Variants in ZDBF2 observed in about 807,000 individuals in gnomAD.
ZDBF2 encodes the protein DBF4-type zinc finger-containing protein 2.
In ZDBF2, 6 loss-of-function variants were observed where a neutral mutation model predicts 9.4. That is an observed-to-expected ratio of 0.64 (90% CI 0.35 to 1.27). ZDBF2 has a LOEUF of 1.27. Ranked by LOEUF, ZDBF2 falls within the 50% of genes most tolerant of loss-of-function variation. The pLI, the probability that ZDBF2 is intolerant of heterozygous loss-of-function variation, is 0.03. For missense variants in ZDBF2, 2,697 were observed against 2,766.8 expected, an observed-to-expected ratio of 0.97 and a Z score of 0.57; for synonymous variants, 905 against 946.3, an observed-to-expected ratio of 0.96 and a Z score of 0.80.
In ZDBF2 at chr2:206,308,292, G is replaced by C; in HGVS notation, c.3764G>C (p.Gly1255Ala). ...TCTGATGTTCTTCAGCCAGTGGCTG[G>C]CCAACCTGAAGAAGTAGTTAAGGAG... ...YDSDVLQPVA[G>A]QPEEVVKEVS... Residue 1255 changes from glycine to alanine, a missense_variant, in exon 5 of 5, where the codon GGC becomes GCC. Transcript: ENST00000374423. The C allele has an allele frequency of 6.2e-7, 1 of 1,613,860 alleles. No individual in the cohort carries two copies.
At position 206,286,115 on chromosome 2, in the gene ZDBF2, C is replaced by T. The variant is rs138377955; in HGVS notation, c.60+4206C>T. ...TTGTATTTGGAGACCTCTTTGTGGC[C>T]TAATATGTGGCCTATCCTGGAAAAT... On this transcript the variant is annotated intron_variant, in intron 3 of 4. Coordinates refer to ENST00000374423, the MANE Select transcript of ZDBF2 (RefSeq NM_020923.3). Among the ~76,000 whole-genome samples the T allele has an allele frequency of 2.0e-4, 31 of 152,198 alleles. 1 individual carries two copies. In the East Asian group the frequency reaches 5.8e-3, roughly 28 times the overall value.
chr2:206,300,860 G>A (rs1406229301), intron 4 of ZDBF2, among the ~76,000 whole-genome samples: 1 of 151,988 alleles, frequency 6.6e-6, no homozygotes, highest in Non-Finnish European at 1.5e-5. Context: ...TTTATTCTAT[G>A]GGTTTTAATT....
rs1268654311 is a variant in ZDBF2 at position 206,281,805 on chromosome 2, A to T, written c.-45A>T. On this transcript the variant is annotated 5_prime_UTR_variant, in exon 3 of 5. It removes the in-frame stop codon of an upstream open reading frame in the 5' UTR. Coordinates refer to ENST00000374423, the MANE Select transcript of ZDBF2 (RefSeq NM_020923.3). ...ATTTTTCTTTTTGTTTTTCAGCTTG[A>T]GTATTCAAAGACAGTAGCCATCTGA... 1 of 1,571,818 alleles carries T rather than the reference A, an allele frequency of 6.4e-7. No individual in the cohort carries two copies. Among genetic ancestry groups the T allele is most frequent in the Non-Finnish European group, 8.7e-7 (1 of 1,148,700 alleles).
Position 206,306,542 on chromosome 2 carries a change from G to A in ZDBF2, c.2014G>A (p.Ala672Thr). ...CCATGGTCCTGAAATGGGTTTTCAG[G>A]CTGATGCTCAATTAGCTGACCAGTC... ...ESHGPEMGFQ[A>T]DAQLADQSQV... is the part of the protein sequence containing the mutation. Residue 672 changes from alanine to threonine, a missense_variant, in exon 5 of 5, where the codon GCT becomes ACT. Physicochemically the swap from Ala to Thr is moderately conservative, Grantham distance 58. Coordinates refer to ENST00000374423, the MANE Select transcript of ZDBF2 (RefSeq NM_020923.3). 1 of 1,613,704 alleles carries A rather than the reference G, an allele frequency of 6.2e-7. No individual in the cohort carries two copies. Among genetic ancestry groups the A allele is most frequent in the Admixed American group, 1.7e-5 (1 of 59,948 alleles).
intron 3 of ZDBF2, among the ~76,000 whole-genome samples, chr2:206,294,025 G>A (rs1049741595): frequency 4.6e-5 from 7 of 152,024 alleles, no homozygotes; most frequent in African/African-American, 1.7e-4. Context: ...GAATAAATAA[G>A]ATATGGCATA....
At position 206,310,627 on chromosome 2, in the gene ZDBF2, T is replaced by C. The variant is rs373884637; in HGVS notation, c.6099T>C (p.His2033=). Reference sequence around the variant, plus strand: ...TTCCTTTCCCTAAAATGAGGCACCATAGTTGGGATAATGATATTCGGTTTA... The same window carrying C: ...TTCCTTTCCCTAAAATGAGGCACCACAGTTGGGATAATGATATTCGGTTTA... ...EGLPFPKMRH[H]SWDNDIRFIC... Residue 2033 remains histidine (H), a synonymous_variant, in exon 5 of 5, where the codon CAT becomes CAC. Transcript: ENST00000374423. 94 of 1,609,298 alleles carry C rather than the reference T, an allele frequency of 5.8e-5. No individual in the cohort carries two copies. The highest frequency in any genetic ancestry group is 5.9e-5 in the Non-Finnish European group (69 of 1,177,438).
At chr2:206,281,950 T>C (rs1395419830) in intron 3 of ZDBF2, 41 bp downstream of exon 3, 8 of 1,516,746 alleles carry the variant, frequency 5.3e-6, no homozygotes, top group Non-Finnish European at 6.3e-6. Flanking sequence ...TCAAAGGACC[T>C]AGTTGTGACT....
rs1416922544 is a variant in ZDBF2, at chr2:206,313,911, G to A, written c.*2318G>A. 6.6e-6 allele frequency: 1 copy of A among 152,086 alleles called. No homozygotes were observed. The highest frequency in any genetic ancestry group is 2.4e-5 in the African/African-American group (1 of 41,426). 9.4% of individuals were successfully genotyped at this position (152,086 alleles called of 1,614,324 possible). A position where few individuals can be genotyped will look rare whatever the true frequency, so the allele number is the denominator to read the frequency against. On this transcript the variant is annotated 3_prime_UTR_variant, in exon 5 of 5. Transcript: ENST00000374423. ...TTCTTGTAATCATTATTTTAGACAA[G>A]CTTGAAAACTTGAAATTGTTGAAAC... is the stretch of plus-strand genomic sequence containing the variant.
chr2:206,308,745 G>T lies in ZDBF2; in HGVS notation c.4217G>T (p.Gly1406Val), dbSNP rs1284811629. Residue 1406 changes from glycine (G) to valine (V), a missense_variant, in exon 5 of 5, where the codon GGT becomes GTT. By Grantham distance (109) the Gly-to-Val change is moderately radical. Coordinates refer to ENST00000374423, the MANE Select transcript of ZDBF2 (RefSeq NM_020923.3). ...CTGGAAGATAAGAGCTATAAATTAG[G>T]TGATTTTGATGTAAGTTATGCTTCT... is the stretch of plus-strand genomic sequence containing the variant. ...IYLEDKSYKLGDFDVSYASHI... is the reference protein window; with the variant it reads ...IYLEDKSYKLVDFDVSYASHI... 1.2e-6 allele frequency: 2 copies of T among 1,613,440 alleles called. No homozygotes were observed. Among genetic ancestry groups the T allele is most frequent in the East Asian group, 4.5e-5 (2 of 44,866 alleles).
rs758557706 is a variant in ZDBF2 at position 206,310,496 on chromosome 2, G to A, written c.5968G>A (p.Val1990Ile). 3 of 1,613,518 alleles carry A rather than the reference G, an allele frequency of 1.9e-6. No homozygotes were observed. Among genetic ancestry groups the A allele is most frequent in the South Asian group, 2.2e-5 (2 of 90,970 alleles). The change falls in exon 5 of 5, where the codon GTT becomes ATT. Residue 1990 changes from valine (V) to isoleucine (I), a missense_variant. By Grantham distance (29) the Val-to-Ile change is conservative. Transcript: ENST00000374423. ...KTKKKVKIGT[V>I]EFPASCTKVL... ...CAAAAAGAAAGTCAAAATTGGGACA[G>A]TTGAATTTCCTGCATCATGTACTAA...
chr2:206,308,160 C>A lies in ZDBF2; in HGVS notation c.3632C>A (p.Ala1211Asp). The A allele has an allele frequency of 6.2e-7, 1 of 1,613,772 alleles. No homozygotes were observed. The highest frequency in any genetic ancestry group is 8.5e-7 in the Non-Finnish European group (1 of 1,179,800). Reference protein sequence around the residue: ...FDSDDPLQSVADRLRETVKEI... With the variant: ...FDSDDPLQSVDDRLRETVKEI... ...TCTGATGACCCTCTTCAGTCAGTGG[C>A]TGACCGGCTGAGAGAAACCGTTAAA... The change falls in exon 5 of 5, where the codon GCT becomes GAT. Residue 1211 changes from alanine (A) to aspartate (D), a missense_variant. Physicochemically the swap from Ala to Asp is moderately radical, Grantham distance 126 (BLOSUM62 -2). This residue lies in a region of ZDBF2 where 1,783 missense variants were observed against 1,776.5 expected (regional missense o/e 1.00). Transcript: ENST00000374423.
At chr2:206,294,282 T>C (rs922712112) in intron 3 of ZDBF2, among the ~76,000 whole-genome samples, 2 of 152,162 alleles carry the variant, frequency 1.3e-5, no homozygotes, top group African/African-American at 4.8e-5. Flanking sequence ...CAACTTTTTA[T>C]GGATAGATGG....
rs750337695 is a variant in ZDBF2 at position 206,307,351 on chromosome 2, C to G, written c.2823C>G (p.His941Gln). The G allele has an allele frequency of 6.8e-6, 11 of 1,613,016 alleles. No individual in the cohort carries two copies. The highest frequency in any genetic ancestry group is 9.3e-6 in the Non-Finnish European group (11 of 1,179,672). The change falls in exon 5 of 5, where the codon CAC becomes CAG. Residue 941 changes from histidine to glutamine, a missense_variant. Around this residue, in one of 3 missense-constraint regions of ZDBF2, gnomAD observed 1,783 missense variants for 1,776.5 expected, o/e 1.00. Coordinates refer to ENST00000374423, the MANE Select transcript of ZDBF2 (RefSeq NM_020923.3). ...SEDPIKEISL[H>Q]TKEHMYLENK... ...ATCCCATTAAAGAAATAAGCCTTCA[C>G]ACAAAAGAGCACATGTACTTAGAAA...
chr2:206,302,151 G>A (rs1692540230), intron 4 of ZDBF2, among the ~76,000 whole-genome samples: 1 of 151,894 alleles, frequency 6.6e-6, no homozygotes, highest in Non-Finnish European at 1.5e-5. Flanking sequence ...TGGGACTATA[G>A]ACATGTACCA....
Position 206,308,550 on chromosome 2 carries a change from T to TA in ZDBF2, c.4026dup (p.Gln1343ThrfsTer15). 6.2e-7 allele frequency: 1 copy of TA among 1,613,660 alleles called. No homozygotes were observed. The highest frequency in any genetic ancestry group is 8.5e-7 in the Non-Finnish European group (1 of 1,179,810). ...TCAAATATCCCTCTTCAGTCAGTGATAAAACAACCACACATTTTGGAAGAG... is the reference window on the plus strand; with the variant it reads ...TCAAATATCCCTCTTCAGTCAGTGATAAAAACAACCACACATTTTGGAAGAG... On this transcript the variant is annotated frameshift_variant, in exon 5 of 5. Coordinates refer to ENST00000374423, the MANE Select transcript of ZDBF2 (RefSeq NM_020923.3). LOFTEE classifies it low-confidence loss of function (END_TRUNC).
chr2:206,305,938 A>T lies in ZDBF2; in HGVS notation c.1410A>T (p.Lys470Asn). 1 of 1,613,436 alleles carries T rather than the reference A, an allele frequency of 6.2e-7. No homozygotes were observed. Among genetic ancestry groups the T allele is most frequent in the Non-Finnish European group, 8.5e-7 (1 of 1,179,638 alleles). ...LVTNQSQMIV[K>N]EISLQNARHI... ...CCAACCAATCCCAAATGATTGTTAA[A>T]GAAATAAGTCTTCAGAATGCAAGGC... The change falls in exon 5 of 5, where the codon AAA becomes AAT. Residue 470 changes from lysine (K) to asparagine (N), a missense_variant. By Grantham distance (94) the Lys-to-Asn change is moderately conservative. This residue lies in a region of ZDBF2 where 910 missense variants were observed against 973.6 expected (regional missense o/e 0.93). Coordinates refer to ENST00000374423, the MANE Select transcript of ZDBF2 (RefSeq NM_020923.3).
intron 3 of ZDBF2, chr2:206,292,159 G>C (rs886225977): frequency 7.5e-6 from 3 of 397,944 alleles, no homozygotes; most frequent in Middle Eastern, 6.2e-4. Context: ...CTGTCTTGTG[G>C]GATGAACAAC....
intron 1 of ZDBF2, among the ~76,000 whole-genome samples, chr2:206,276,396 T>C (rs1691004824): frequency 6.6e-6 from 1 of 152,208 alleles, no homozygotes; most frequent in South Asian, 2.1e-4. Flanking sequence ...TTAAATAATC[T>C]TGAGAGTCGC....
Position 206,305,400 on chromosome 2 carries a change from G to T in ZDBF2, c.872G>T (p.Arg291Leu). 3.1e-6 allele frequency: 5 copies of T among 1,613,382 alleles called. No homozygotes were observed. Among genetic ancestry groups the T allele is most frequent in the Non-Finnish European group, 3.4e-6 (4 of 1,179,658 alleles). The change falls in exon 5 of 5, where the codon CGC (arginine) becomes CTC (leucine). Residue 291 changes from arginine (R) to leucine (L), a missense_variant. Physicochemically the swap from Arg to Leu is moderately radical, Grantham distance 102. Around this residue, in one of 3 missense-constraint regions of ZDBF2, gnomAD observed 910 missense variants for 973.6 expected, o/e 0.93. Coordinates refer to ENST00000374423, the MANE Select transcript of ZDBF2 (RefSeq NM_020923.3). ...TLSAGLKFHE[R>L]MGTKGSLRVK... ...TCAGCTGGCTTGAAATTCCATGAAC[G>T]CATGGGTACTAAGGGCTCCTTAAGA...
Sources: allele counts gnomAD v4.1 joint callset (sites outside exome capture counted in the v4.1 genomes callset), GRCh38; gene constraint gnomAD v4.1.1; regional missense constraint gnomAD v4.1.1; transcripts MANE v1.5; gene names NCBI Gene and HGNC (gene_info 2026-07-23, HGNC 2026-07-21).